Variants in KCNIP1 observed in about 807,000 individuals in gnomAD.
KCNIP1 encodes the protein potassium voltage-gated channel interacting protein 1.
A neutral mutation model predicts 33.0 loss-of-function variants in KCNIP1; 18 were observed. The ratio of observed to expected loss-of-function variants is 0.55; its 90% CI spans 0.38 to 0.81. The LOEUF is 0.81. Ranked by LOEUF, KCNIP1 falls within the 30% of genes least tolerant of loss-of-function variation. The pLI is 0.00. For missense variants in KCNIP1, 238 were observed against 271.6 expected, an observed-to-expected ratio of 0.88 and a Z score of 0.87; for synonymous variants, 93 against 98.3, an observed-to-expected ratio of 0.95 and a Z score of 0.32.
At chr5:170,706,896 A>C (rs1019882849) in intron 1 of KCNIP1, among the ~76,000 whole-genome samples, 2 of 151,828 alleles carry the variant, frequency 1.3e-5, no homozygotes, top group African/African-American at 4.8e-5. Flanking sequence ...TTGTAGACCC[A>C]CTCACCCTAG....
At chr5:170,551,999 ATGTG>A (rs917391783) in intron 1 of KCNIP1, among the ~76,000 whole-genome samples, 90 of 147,226 alleles carry the variant, frequency 6.1e-4, no homozygotes, top group Non-Finnish European at 1.0e-3. Context: ...TTGTGTGCGT[ATGTG>A]TGTGTGAGTG....
At chr5:170,608,844 T>C (rs754067437) in intron 1 of KCNIP1, among the ~76,000 whole-genome samples, 1 of 152,104 alleles carries the variant, frequency 6.6e-6, no homozygotes, top group Non-Finnish European at 1.5e-5. Flanking sequence ...AAAGTCATAT[T>C]ACTCCCCCCT....
chr5:170,445,479 C>T (rs1462748675), intron 1 of KCNIP1, among the ~76,000 whole-genome samples: 3 of 152,200 alleles, frequency 2.0e-5, no homozygotes, highest in Admixed American at 6.5e-5. Context: ...CTACTGTTTA[C>T]AAAGCACTTT....
chr5:170,507,215 C>T (rs950574634), intron 1 of KCNIP1, among the ~76,000 whole-genome samples: 1 of 152,222 alleles, frequency 6.6e-6, no homozygotes, highest in Non-Finnish European at 1.5e-5. Context: ...ACTCAGGAAT[C>T]AGTCTCCCTG....
intron 1 of KCNIP1, among the ~76,000 whole-genome samples, chr5:170,490,383 G>A (rs2113198493): frequency 6.6e-6 from 1 of 152,306 alleles, no homozygotes; most frequent in African/African-American, 2.4e-5. Context: ...GCACAAGGGA[G>A]CCCCCCGTGG....
chr5:170,371,384 G>A (rs1763839275), intron 1 of KCNIP1, among the ~76,000 whole-genome samples: 1 of 152,168 alleles, frequency 6.6e-6, no homozygotes, highest in Admixed American at 6.5e-5. Flanking sequence ...TGGGCTCTGT[G>A]ATGGAAAGGT....
intron 1 of KCNIP1, among the ~76,000 whole-genome samples, chr5:170,584,723 A>C (rs954591259): frequency 6.6e-6 from 1 of 152,154 alleles, no homozygotes; most frequent in African/African-American, 2.4e-5. Context: ...TCTTTTCCCC[A>C]GTGACTCATA....
At chr5:170,645,170 A>C (rs1760735761) in intron 1 of KCNIP1, among the ~76,000 whole-genome samples, 1 of 152,156 alleles carries the variant, frequency 6.6e-6, no homozygotes, top group Admixed American at 6.5e-5. Flanking sequence ...TTATGTTAGA[A>C]ATAAATCTTA....
chr5:170,410,731 G>A (rs1236106150), intron 1 of KCNIP1, among the ~76,000 whole-genome samples: 1 of 152,140 alleles, frequency 6.6e-6, no homozygotes, highest in Non-Finnish European at 1.5e-5. Flanking sequence ...ATTATAATGG[G>A]AAAATATAAA....
intron 1 of KCNIP1, among the ~76,000 whole-genome samples, chr5:170,557,784 G>A (rs1223566749): frequency 6.6e-6 from 1 of 152,128 alleles, no homozygotes; most frequent in Non-Finnish European, 1.5e-5. Flanking sequence ...TAGGAATGAG[G>A]TTGAGAAGTA....
At chr5:170,711,867 G>A (rs946489592) in intron 1 of KCNIP1, among the ~76,000 whole-genome samples, 6 of 152,240 alleles carry the variant, frequency 3.9e-5, no homozygotes, top group Admixed American at 2.6e-4. Context: ...CCACCTATAC[G>A]ATCACTTTGA....
At chr5:170,471,947 C>A (rs1252327052) in intron 1 of KCNIP1, among the ~76,000 whole-genome samples, 1 of 152,170 alleles carries the variant, frequency 6.6e-6, no homozygotes, top group African/African-American at 2.4e-5. Flanking sequence ...CTCCTGGCAG[C>A]CACGTGGGAG....
At chr5:170,684,160 G>A (rs1409633104) in intron 1 of KCNIP1, among the ~76,000 whole-genome samples, 1 of 152,060 alleles carries the variant, frequency 6.6e-6, no homozygotes, top group Non-Finnish European at 1.5e-5. Flanking sequence ...GTGTGAGGTG[G>A]GACAAGTCTC....
intron 1 of KCNIP1, among the ~76,000 whole-genome samples, chr5:170,358,274 G>A (rs1763401235): frequency 1.3e-5 from 2 of 152,190 alleles, no homozygotes; most frequent in East Asian, 1.9e-4. Context: ...TGCGGGGGTG[G>A]GGAAAAGGGG....
chr5:170,408,380 C>A (rs879338632), intron 1 of KCNIP1, among the ~76,000 whole-genome samples: 1 of 152,110 alleles, frequency 6.6e-6, no homozygotes. Context: ...CATGGCTCAG[C>A]CAGATCCTGG....
chr5:170,629,605 T>C (rs1759972307), intron 1 of KCNIP1, among the ~76,000 whole-genome samples: 1 of 152,180 alleles, frequency 6.6e-6, no homozygotes, highest in Admixed American at 6.5e-5. Flanking sequence ...GGGTCCCATC[T>C]TGGGCCTTTG....
At chr5:170,663,750 C>A (rs1013902275) in intron 1 of KCNIP1, among the ~76,000 whole-genome samples, 1 of 151,984 alleles carries the variant, frequency 6.6e-6, no homozygotes, top group Non-Finnish European at 1.5e-5. Context: ...TTATCCTGCC[C>A]TCTGAGAGTC....
intron 1 of KCNIP1, among the ~76,000 whole-genome samples, chr5:170,423,745 C>T (rs114008340): frequency 0.021 from 3,267 of 152,228 alleles, 55 homozygotes; most frequent in East Asian, 0.069. Flanking sequence ...TGCGGGGGTG[C>T]GTCTGGCTTT....
intron 1 of KCNIP1, among the ~76,000 whole-genome samples, chr5:170,658,613 GTACAAACC>G (rs1372833959): frequency 1.3e-5 from 2 of 152,192 alleles, no homozygotes; most frequent in Non-Finnish European, 2.9e-5. Flanking sequence ...CTCATAGTGT[GTACAAACC>G]TGCCCTTCCT....
Sources: gnomAD v4.1 joint callset for allele counts (sites outside exome capture counted in the v4.1 genomes callset) on GRCh38, gnomAD v4.1.1 for gene constraint, MANE v1.5 for transcripts, NCBI Gene and HGNC (gene_info 2026-07-23, HGNC 2026-07-21) for gene names.